TMEM150C: variants seen among roughly 807,000 people sequenced by gnomAD.
TMEM150C encodes transmembrane protein 150C.
TMEM150C carries 10 observed loss-of-function variants against 29.9 expected under a neutral mutation model. The observed-to-expected ratio is 0.33, with a 90% confidence interval of 0.21 to 0.57. The LOEUF (loss-of-function observed/expected upper bound fraction) is 0.57. TMEM150C is among the 20% of genes least tolerant of loss of function. The pLI, the probability that TMEM150C is intolerant of heterozygous loss-of-function variation, is 0.88. For synonymous variants in TMEM150C, 101 were observed against 112.5 expected (o/e 0.90, Z 0.64); for missense variants, 251 against 303.6 (o/e 0.83, Z 1.29).
chr4:82,498,005 G>A (rs1397435888), intron 5 of TMEM150C, among the ~76,000 whole-genome samples: 1 of 139,710 alleles, frequency 7.2e-6, no homozygotes, highest in Non-Finnish European at 1.5e-5. Context: ...AAGATACTAA[G>A]ACAGCACACT....
At chr4:82,560,823 G>A (rs1159990197) in intron 1 of TMEM150C, among the ~76,000 whole-genome samples, 1 of 152,186 alleles carries the variant, frequency 6.6e-6, no homozygotes, top group Non-Finnish European at 1.5e-5. Flanking sequence ...CTGCCATTTA[G>A]GCTTTGTTAT....
chr4:82,519,820 AT>A (rs1388941038), intron 1 of TMEM150C, among the ~76,000 whole-genome samples: 2 of 152,260 alleles, frequency 1.3e-5, no homozygotes, highest in East Asian at 1.9e-4. Context: ...AAATAAAAAA[AT>A]AGAACAACTA....
intron 1 of TMEM150C, among the ~76,000 whole-genome samples, chr4:82,557,853 A>G (rs1261531681): frequency 3.4e-5 from 5 of 146,660 alleles, no homozygotes; most frequent in South Asian, 2.1e-4. Context: ...CTCCTGTCTC[A>G]CCCTCCCTGG....
intron 1 of TMEM150C, among the ~76,000 whole-genome samples, chr4:82,528,295 G>A (rs1036901319): frequency 4.6e-5 from 7 of 152,162 alleles, no homozygotes; most frequent in South Asian, 2.1e-4. Context: ...TCACCTGCAC[G>A]GGCTATTGCA....
At chr4:82,486,032 A>G (rs1272466555) in intron 7 of TMEM150C, among the ~76,000 whole-genome samples, 2 of 152,096 alleles carry the variant, frequency 1.3e-5, no homozygotes, top group Non-Finnish European at 2.9e-5. Context: ...CTCTTATCCA[A>G]ATAATTGTCA....
intron 1 of TMEM150C, among the ~76,000 whole-genome samples, chr4:82,530,539 A>G (rs1467385217): frequency 6.6e-6 from 1 of 152,178 alleles, no homozygotes; most frequent in Non-Finnish European, 1.5e-5. Context: ...CCTGGATGAC[A>G]AAGCGAGACT....
intron 1 of TMEM150C, among the ~76,000 whole-genome samples, chr4:82,556,791 T>C (rs988286465): frequency 2.0e-5 from 3 of 152,098 alleles, no homozygotes; most frequent in Non-Finnish European, 4.4e-5. Context: ...ATAAAAAAGA[T>C]TATATGGAGC....
intron 6 of TMEM150C, chr4:82,490,923 C>T (rs548964227): frequency 5.6e-6 from 4 of 714,752 alleles, no homozygotes; most frequent in Admixed American, 3.5e-5. Flanking sequence ...CCAGTGATGG[C>T]GGATCTCATC....
chr4:82,497,353 A>T (rs1240632809), intron 5 of TMEM150C, among the ~76,000 whole-genome samples: 1 of 152,192 alleles, frequency 6.6e-6, no homozygotes, highest in African/African-American at 2.4e-5. Flanking sequence ...GAATTACCCT[A>T]TTTGTACAGC....
intron 1 of TMEM150C, among the ~76,000 whole-genome samples, chr4:82,505,764 AC>A (rs1388041849): frequency 1.3e-5 from 2 of 152,236 alleles, no homozygotes; most frequent in African/African-American, 4.8e-5. Flanking sequence ...TTTGGAGGTT[AC>A]AAAAATATAG....
chr4:82,528,336 T>C (rs1724721826), intron 1 of TMEM150C, among the ~76,000 whole-genome samples: 1 of 152,182 alleles, frequency 6.6e-6, no homozygotes, highest in South Asian at 2.1e-4. Context: ...CCTCTGAAGT[T>C]CTGGCTCAGT....
Position 82,502,936 on chromosome 4 carries a change from T to TAAA in TMEM150C, c.135-12_135-10dup, listed in dbSNP as rs374026731. On this transcript the variant is annotated splice_polypyrimidine_tract_variant and intron_variant, in intron 3 of 7. Transcript: ENST00000449862. The stretch of plus-strand genomic sequence containing the variant: ...GCTTCACACCAGGTTTCCTGGATAA[T>TAAA]AAAAAAAAAAAACACAGAAGCTCAG... 6 of 1,303,696 alleles carry TAAA rather than the reference T, an allele frequency of 4.6e-6. No homozygotes were observed. The highest frequency in any genetic ancestry group is 2.7e-5 in the East Asian group (1 of 36,934). The allele number at this position is 1,303,696 out of a possible 1,614,324, so 80.8% of individuals were successfully genotyped here. A position where few individuals can be genotyped will look rare whatever the true frequency, so the allele number is the denominator to read the frequency against.
chr4:82,547,261 G>T (rs760089363), intron 1 of TMEM150C, among the ~76,000 whole-genome samples: 2 of 150,474 alleles, frequency 1.3e-5, no homozygotes, highest in Non-Finnish European at 3.0e-5. Flanking sequence ...CTCAAAAAAA[G>T]ACATACAAGC....
At chr4:82,520,719 C>T (rs1010084667) in intron 1 of TMEM150C, among the ~76,000 whole-genome samples, 7 of 151,960 alleles carry the variant, frequency 4.6e-5, no homozygotes, top group African/African-American at 1.2e-4. Context: ...TCCATGTGTA[C>T]AAAAAAATTA....
intron 1 of TMEM150C, among the ~76,000 whole-genome samples, chr4:82,550,605 G>A (rs1230071713): frequency 2.0e-5 from 3 of 151,928 alleles, no homozygotes; most frequent in Non-Finnish European, 2.9e-5. Context: ...TCAAGACCAC[G>A]GTGAAACCCT....
chr4:82,513,127 C>G (rs1370795175), intron 1 of TMEM150C, among the ~76,000 whole-genome samples: 21 of 152,216 alleles, frequency 1.4e-4, no homozygotes, highest in Non-Finnish European at 3.1e-4. Context: ...TCCTTGACCC[C>G]CGTGCCTCCT....
chr4:82,492,061 A>G (rs1370189146), intron 6 of TMEM150C, among the ~76,000 whole-genome samples: 4 of 150,868 alleles, frequency 2.7e-5, no homozygotes, highest in African/African-American at 9.8e-5. Context: ...TCAGCCTCCC[A>G]AAGTGCTGGG....
intron 1 of TMEM150C, among the ~76,000 whole-genome samples, chr4:82,517,427 G>C (rs547213850): frequency 6.6e-6 from 1 of 152,266 alleles, no homozygotes; most frequent in East Asian, 1.9e-4. Context: ...TAAGAAATCA[G>C]CATTTGAATC....
intron 7 of TMEM150C, 139 bp downstream of exon 7, chr4:82,489,922 G>A: frequency 1.2e-6 from 1 of 811,198 alleles, no homozygotes; most frequent in Non-Finnish European, 1.9e-6. Flanking sequence ...GAGGGTTTTT[G>A]TTTTTATACC....
Sources: allele counts gnomAD v4.1 joint callset (sites outside exome capture counted in the v4.1 genomes callset), GRCh38; gene constraint gnomAD v4.1.1; transcripts MANE v1.5; gene names NCBI Gene and HGNC (gene_info 2026-07-23, HGNC 2026-07-21).